EFNA5: variants seen among roughly 807,000 people sequenced by gnomAD.
EFNA5 encodes the protein ephrin-A5.
A neutral mutation model predicts 22.9 loss-of-function variants in EFNA5; 5 were observed. The observed-to-expected ratio is 0.22, with a 90% CI of 0.11 to 0.46. The LOEUF is 0.46. Among genes scored for constraint, EFNA5 ranks in the 20% least tolerant of loss-of-function variants. The pLI is 0.99. For synonymous variants in EFNA5, 113 were observed against 112.2 expected (o/e 1.01, Z -0.04); for missense variants, 237 against 293.3 (o/e 0.81, Z 1.40).
At chr5:107,386,080 C>T (rs1044473450) in intron 4 of EFNA5, among the ~76,000 whole-genome samples, 1 of 117,458 alleles carries the variant, frequency 8.5e-6, no homozygotes, top group Non-Finnish European at 1.6e-5. Context: ...GTCCTGGTTA[C>T]AATATTGGAG....
chr5:107,596,195 T>G (rs1749469596), intron 1 of EFNA5, among the ~76,000 whole-genome samples: 1 of 152,216 alleles, frequency 6.6e-6, no homozygotes, highest in Non-Finnish European at 1.5e-5. Context: ...AGTACAGTAG[T>G]GTTAATTATA....
chr5:107,659,481 G>GT (rs1323695018), intron 1 of EFNA5, among the ~76,000 whole-genome samples: 1 of 136,820 alleles, frequency 7.3e-6, no homozygotes, highest in African/African-American at 2.7e-5. Flanking sequence ...AAAAGTTTGA[G>GT]TTTTTTGGGT....
chr5:107,658,555 A>G (rs1750875276), intron 1 of EFNA5, among the ~76,000 whole-genome samples: 1 of 152,212 alleles, frequency 6.6e-6, no homozygotes, highest in African/African-American at 2.4e-5. Flanking sequence ...AATGGCAAAT[A>G]ATTTTCCTTC....
chr5:107,528,101 A>G (rs1311741122), intron 1 of EFNA5, among the ~76,000 whole-genome samples: 2 of 152,170 alleles, frequency 1.3e-5, no homozygotes. Context: ...CTGGTAATTG[A>G]CAGGCAGTAT....
intron 1 of EFNA5, among the ~76,000 whole-genome samples, chr5:107,543,948 C>T (rs1748098083): frequency 6.6e-6 from 1 of 152,272 alleles, no homozygotes; most frequent in African/African-American, 2.4e-5. Flanking sequence ...GCAGCTCTGC[C>T]TCCCTAACTC....
chr5:107,632,046 G>A (rs2112537056), intron 1 of EFNA5, among the ~76,000 whole-genome samples: 1 of 152,330 alleles, frequency 6.6e-6, no homozygotes, highest in Middle Eastern at 3.4e-3. Context: ...GCACATGGCT[G>A]AGAGGGAAGA....
At chr5:107,550,451 C>T (rs981521527) in intron 1 of EFNA5, among the ~76,000 whole-genome samples, 6 of 152,188 alleles carry the variant, frequency 3.9e-5, no homozygotes, top group African/African-American at 7.2e-5. Context: ...AATGATTATG[C>T]GCTTACCACC....
intron 1 of EFNA5, among the ~76,000 whole-genome samples, chr5:107,429,081 C>T (rs542278148): frequency 6.6e-6 from 1 of 152,238 alleles, no homozygotes; most frequent in African/African-American, 2.4e-5. Flanking sequence ...CCATAAAATG[C>T]AGCACCCGAA....
intron 1 of EFNA5, among the ~76,000 whole-genome samples, chr5:107,572,082 C>T (rs1748825278): frequency 6.6e-6 from 1 of 152,120 alleles, no homozygotes; most frequent in Non-Finnish European, 1.5e-5. Flanking sequence ...TAAAATGCTT[C>T]TGGAGTCTAA....
chr5:107,659,129 T>C (rs140592650), intron 1 of EFNA5, among the ~76,000 whole-genome samples: 271 of 152,320 alleles, frequency 1.8e-3, no homozygotes, highest in African/African-American at 5.1e-3. Flanking sequence ...TGTCTCCCAG[T>C]GTTCTGCAAA....
At chr5:107,605,120 C>A (rs567189685) in intron 1 of EFNA5, among the ~76,000 whole-genome samples, 1 of 142,314 alleles carries the variant, frequency 7.0e-6, no homozygotes, top group African/African-American at 2.7e-5. Context: ...AATTAGGTGC[C>A]GCTGCAAGAT....
At chr5:107,533,865 C>A (rs896538887) in intron 1 of EFNA5, among the ~76,000 whole-genome samples, 1 of 152,168 alleles carries the variant, frequency 6.6e-6, no homozygotes, top group South Asian at 2.1e-4. Flanking sequence ...TCTCTCAGAC[C>A]TGAACTGCAC....
At chr5:107,505,580 A>G (rs1747235540) in intron 1 of EFNA5, among the ~76,000 whole-genome samples, 1 of 152,168 alleles carries the variant, frequency 6.6e-6, no homozygotes, top group Non-Finnish European at 1.5e-5. Flanking sequence ...TATATCCTCA[A>G]AAAAGTAGCA....
intron 1 of EFNA5, among the ~76,000 whole-genome samples, chr5:107,627,950 A>T (rs541741977): frequency 3.9e-5 from 6 of 152,346 alleles, no homozygotes; most frequent in Non-Finnish European, 5.9e-5. Context: ...AATGAGAATG[A>T]ATTAAAATAA....
intron 1 of EFNA5, 42 bp downstream of exon 1, chr5:107,670,447 G>A (rs1346833385): frequency 6.5e-7 from 1 of 1,529,378 alleles, no homozygotes; most frequent in Non-Finnish European, 8.8e-7. Flanking sequence ...GCAGGGCCCC[G>A]AGGCCCGGGT....
At chr5:107,584,027 G>A (rs1486606316) in intron 1 of EFNA5, among the ~76,000 whole-genome samples, 2 of 152,038 alleles carry the variant, frequency 1.3e-5, no homozygotes, top group Non-Finnish European at 2.9e-5. Flanking sequence ...ACACAGGCTC[G>A]GCGTCCACAG....
intron 1 of EFNA5, among the ~76,000 whole-genome samples, chr5:107,443,789 G>A (rs948172589): frequency 6.6e-6 from 1 of 152,146 alleles, no homozygotes; most frequent in African/African-American, 2.4e-5. Context: ...ATATCAGGTT[G>A]ATAGGTGCAG....
intron 2 of EFNA5, among the ~76,000 whole-genome samples, chr5:107,412,535 A>C (rs1748397166): frequency 6.6e-6 from 1 of 152,200 alleles, no homozygotes; most frequent in Admixed American, 6.5e-5. Flanking sequence ...TTTAGACTAC[A>C]GCTGAGTTTT....
chr5:107,413,918 G>C (rs2112405401), intron 2 of EFNA5, among the ~76,000 whole-genome samples: 1 of 152,188 alleles, frequency 6.6e-6, no homozygotes, highest in South Asian at 2.1e-4. Flanking sequence ...TCCCTAACCA[G>C]AGCTCCCTGG....
Sources: gnomAD v4.1 joint callset for allele counts (sites outside exome capture counted in the v4.1 genomes callset) on GRCh38, gnomAD v4.1.1 for gene constraint, MANE v1.5 for transcripts, NCBI Gene and HGNC (gene_info 2026-07-23, HGNC 2026-07-21) for gene names.